Variants in STK3 observed in about 807,000 individuals in gnomAD.
STK3 encodes serine/threonine kinase 3.
A neutral mutation model predicts 58.0 loss-of-function variants in STK3; 41 were observed. The ratio of observed to expected loss-of-function variants is 0.71; its 90% CI spans 0.55 to 0.92. The LOEUF (loss-of-function observed/expected upper bound fraction) is 0.92. Ranked by LOEUF, STK3 falls within the 40% of genes least tolerant of loss-of-function variation. STK3 has a pLI of 0.00. For missense variants in STK3, 479 were observed against 602.7 expected, an observed-to-expected ratio of 0.79 and a Z score of 2.15; for synonymous variants, 170 against 191.0, an observed-to-expected ratio of 0.89 and a Z score of 0.91.
At chr8:98,613,077 T>G (rs1452869901) in intron 6 of STK3, among the ~76,000 whole-genome samples, 1 of 152,038 alleles carries the variant, frequency 6.6e-6, no homozygotes, top group Non-Finnish European at 1.5e-5. Context: ...CAATAGAGAC[T>G]ACACACGGAG....
At chr8:98,709,966 T>G (rs963441765) in intron 4 of STK3, among the ~76,000 whole-genome samples, 1 of 152,090 alleles carries the variant, frequency 6.6e-6, no homozygotes, top group Non-Finnish European at 1.5e-5. Context: ...AAATTACTTT[T>G]GCACCAGCCT....
intron 8 of STK3, among the ~76,000 whole-genome samples, chr8:98,567,329 C>T (rs1406289468): frequency 6.6e-6 from 1 of 152,174 alleles, no homozygotes; most frequent in African/African-American, 2.4e-5. Flanking sequence ...TCCTGAGTAG[C>T]TGGGACTACA....
intron 6 of STK3, among the ~76,000 whole-genome samples, chr8:98,652,553 C>T (rs1587167634): frequency 1.4e-5 from 2 of 145,004 alleles, no homozygotes; most frequent in Admixed American, 6.9e-5. Flanking sequence ...GATAAAGAGT[C>T]AAGACCCATC....
chr8:98,833,104 G>A (rs767997978), intron 3 of STK3, among the ~76,000 whole-genome samples: 5 of 152,112 alleles, frequency 3.3e-5, no homozygotes, highest in Admixed American at 6.5e-5. Flanking sequence ...GTTGGGTTAC[G>A]CTTGATTTTA....
intron 6 of STK3, among the ~76,000 whole-genome samples, chr8:98,700,058 C>A (rs946885622): frequency 6.6e-6 from 1 of 152,232 alleles, no homozygotes; most frequent in Non-Finnish European, 1.5e-5. Context: ...CCTAAGCAAG[C>A]TTGGGTAATG....
In STK3 at chr8:98,814,509, T is replaced by C. The variant is rs539380584; in HGVS notation, c.26+11006A>G. Among the ~76,000 whole-genome samples, 3 of 152,038 alleles carry C rather than the reference T, an allele frequency of 2.0e-5. No homozygotes were observed. In the East Asian group the frequency reaches 5.8e-4, roughly 29 times the overall value. On this transcript the variant is annotated intron_variant, in intron 1 of 10. Transcript: ENST00000419617. ...GGCATGCGCCACCACGCCCAGCTAA[T>C]TTTTTGTTTGTTGTAGAGACAGGGT...
intron 10 of STK3, among the ~76,000 whole-genome samples, chr8:98,498,864 C>A (rs1823360160): frequency 6.6e-6 from 1 of 152,190 alleles, no homozygotes; most frequent in Non-Finnish European, 1.5e-5. Flanking sequence ...AGTCCTTAAA[C>A]CATGCAGTGA....
chr8:98,707,179 A>G lies in STK3; in HGVS notation c.484T>C (p.Leu162=), dbSNP rs1429608391. The G allele has an allele frequency of 1.2e-6, 2 of 1,608,448 alleles. No homozygotes were observed. Among genetic ancestry groups the G allele is most frequent in the Non-Finnish European group, 1.7e-6 (2 of 1,178,758 alleles). The change falls in exon 5 of 11, where the codon TTG becomes CTG. Residue 162 remains leucine, a synonymous_variant. Transcript: ENST00000419617. The part of the protein sequence containing the change: ...ILLNTEGHAK[L]ADFGVAGQLT... Reference sequence around the variant, plus strand: ...TGACCAGCCACTCCAAAATCTGCCAATTTTGCATGTCCTTCTGTATTGAGG... The same window carrying G: ...TGACCAGCCACTCCAAAATCTGCCAGTTTTGCATGTCCTTCTGTATTGAGG...
intron 3 of STK3, among the ~76,000 whole-genome samples, chr8:98,831,520 G>A (rs181313344): frequency 6.6e-5 from 10 of 152,280 alleles, no homozygotes; most frequent in Non-Finnish European, 1.3e-4. Context: ...GCCTCCCATA[G>A]TGCTGGGATT....
intron 10 of STK3, among the ~76,000 whole-genome samples, chr8:98,467,145 C>T (rs1455551215): frequency 6.6e-6 from 1 of 152,128 alleles, no homozygotes; most frequent in South Asian, 2.1e-4. Context: ...TACCAGGTAA[C>T]CGTATCCCTT....
intron 10 of STK3, among the ~76,000 whole-genome samples, chr8:98,463,593 T>C (rs1231960100): frequency 6.6e-6 from 1 of 152,128 alleles, no homozygotes; most frequent in African/African-American, 2.4e-5. Flanking sequence ...TTATTACTGA[T>C]CAGAAAGAGT....
intron 6 of STK3, among the ~76,000 whole-genome samples, chr8:98,604,642 C>T (rs1224173638): frequency 6.6e-6 from 1 of 152,198 alleles, no homozygotes; most frequent in Non-Finnish European, 1.5e-5. Context: ...AAAATCTAGG[C>T]TGGGGTTCCC....
At chr8:98,444,081 G>C (rs919117613) in intron 1 of STK3, among the ~76,000 whole-genome samples, 3 of 152,214 alleles carry the variant, frequency 2.0e-5, no homozygotes, top group African/African-American at 7.2e-5. Flanking sequence ...ACAGAGATGA[G>C]GAAAACGTGG....
intron 6 of STK3, among the ~76,000 whole-genome samples, chr8:98,653,110 A>G (rs1387735665): frequency 1.3e-5 from 2 of 152,238 alleles, no homozygotes; most frequent in African/African-American, 4.8e-5. Flanking sequence ...AATGTAAAAG[A>G]ACACAAATTA....
At chr8:98,365,803 T>G in the STK3 span, among the ~76,000 whole-genome samples, 1 of 152,232 alleles carries the variant, frequency 6.6e-6, no homozygotes, top group Non-Finnish European at 1.5e-5. Flanking sequence ...ATTCTGCAAC[T>G]TGCTTTTATT....
chr8:98,832,147 C>A (rs1835553319), intron 3 of STK3, among the ~76,000 whole-genome samples: 2 of 151,702 alleles, frequency 1.3e-5, no homozygotes, highest in Admixed American at 1.3e-4. Flanking sequence ...GAAGCATAGC[C>A]TCTGTCAGAA....
At chr8:98,583,693 G>A (rs1255465542) in intron 7 of STK3, among the ~76,000 whole-genome samples, 1 of 152,112 alleles carries the variant, frequency 6.6e-6, no homozygotes. Flanking sequence ...GTCTTTCCAA[G>A]CAGAATATTC....
At chr8:98,809,453 A>G (rs1834086011) in intron 1 of STK3, among the ~76,000 whole-genome samples, 1 of 152,178 alleles carries the variant, frequency 6.6e-6, no homozygotes, top group Non-Finnish European at 1.5e-5. Flanking sequence ...GTGTAGAAAA[A>G]GTTTTTTATC....
At chr8:98,467,286 G>A (rs1017978984) in intron 10 of STK3, among the ~76,000 whole-genome samples, 2 of 152,046 alleles carry the variant, frequency 1.3e-5, no homozygotes, top group Non-Finnish European at 2.9e-5. Context: ...CCTTTGTCTA[G>A]TAAACAGCTA....
Sources: gnomAD v4.1 joint callset for allele counts (sites outside exome capture counted in the v4.1 genomes callset) on GRCh38, gnomAD v4.1.1 for gene constraint, MANE v1.5 for transcripts, NCBI Gene and HGNC (gene_info 2026-07-23, HGNC 2026-07-21) for gene names.